The following ZMAT4 variants were observed in gnomAD, a reference collection of about 807,000 sequenced individuals.
The protein encoded by ZMAT4 is zinc finger matrin-type protein 4.
In ZMAT4, 17 loss-of-function variants were observed where a neutral mutation model predicts 28.7. The ratio of observed to expected loss-of-function variants is 0.59; its 90% CI spans 0.41 to 0.89. The LOEUF is 0.89. Ranked by LOEUF, ZMAT4 falls within the 40% of genes least tolerant of loss-of-function variation. ZMAT4 has a pLI of 0.00. For missense variants in ZMAT4, 240 were observed against 283.8 expected, an observed-to-expected ratio of 0.85 and a Z score of 1.11; for synonymous variants, 117 against 109.2, an observed-to-expected ratio of 1.07 and a Z score of -0.44.
intron 5 of ZMAT4, among the ~76,000 whole-genome samples, chr8:40,606,288 T>G (rs1296304756): frequency 6.6e-6 from 1 of 152,220 alleles, no homozygotes; most frequent in Non-Finnish European, 1.5e-5. Context: ...AAATTTATGT[T>G]GTAAGGAGGT....
chr8:40,565,435 G>A (rs1449449032), intron 6 of ZMAT4, among the ~76,000 whole-genome samples: 1 of 138,170 alleles, frequency 7.2e-6, no homozygotes, highest in Non-Finnish European at 1.5e-5. Flanking sequence ...CCTGGCTGGA[G>A]TGCAGTGGGG....
At chr8:40,595,690 T>C (rs556159229) in intron 5 of ZMAT4, among the ~76,000 whole-genome samples, 1 of 152,234 alleles carries the variant, frequency 6.6e-6, no homozygotes, top group African/African-American at 2.4e-5. Flanking sequence ...ATGGTACACT[T>C]GTATAGGGCA....
rs1310899304 is a variant in ZMAT4 at position 40,894,097 on chromosome 8, C to T, written c.-5+3586G>A. On this transcript the variant is annotated intron_variant, in intron 1 of 6. Transcript: ENST00000297737. The stretch of plus-strand genomic sequence containing the variant: ...AAATTTCCCTGCATGCTAATGTTTC[C>T]AAGGTCAGCTCTGCGCATGGGGCTG... 2.0e-5 allele frequency among the ~76,000 whole-genome samples: 3 copies of T among 152,302 alleles called. No individual in the cohort carries two copies. The East Asian group carries it at 5.8e-4, about 29-fold the overall frequency.
rs140817423 is a variant in ZMAT4, at chr8:40,723,130, A to C, written c.193-25729T>G. ...CAGTGCTTAGAACTGTAACCCCCAG[A>C]GCATTGCCTATGAATACCAAGGACC... On this transcript the variant is annotated intron_variant, in intron 3 of 6. Transcript: ENST00000297737. 2.8e-3 allele frequency among the ~76,000 whole-genome samples: 428 copies of C among 152,318 alleles called. 2 individuals carry two copies. The highest frequency in any genetic ancestry group is 9.9e-3 in the African/African-American group (412 of 41,578).
intron 3 of ZMAT4, among the ~76,000 whole-genome samples, chr8:40,699,298 T>A (rs771063855): frequency 6.6e-6 from 1 of 152,178 alleles, no homozygotes; most frequent in Non-Finnish European, 1.5e-5. Context: ...CTGGAGGATA[T>A]ATATTTGTCT....
chr8:40,832,313 A>G (rs1816311736), intron 1 of ZMAT4, among the ~76,000 whole-genome samples: 1 of 152,160 alleles, frequency 6.6e-6, no homozygotes, highest in Non-Finnish European at 1.5e-5. Flanking sequence ...TGTTTGCCTG[A>G]ACTGAGCTGG....
At chr8:40,641,204 G>A (rs1807012556) in intron 5 of ZMAT4, among the ~76,000 whole-genome samples, 1 of 152,178 alleles carries the variant, frequency 6.6e-6, no homozygotes, top group South Asian at 2.1e-4. Flanking sequence ...TAATCTATCT[G>A]TGGATAAAAG....
In ZMAT4 at chr8:40,611,615, C is replaced by T. The variant is rs577894898; in HGVS notation, c.578-30354G>A. On this transcript the variant is annotated intron_variant, in intron 5 of 6. Coordinates refer to ENST00000297737, the MANE Select transcript of ZMAT4 (RefSeq NM_024645.3). Reference sequence around the variant, plus strand: ...TCAGCCTCCCAAAGTGCTGGGATTACAGGCGTGAGCCATCGCACCCAGCCA... The same window carrying T: ...TCAGCCTCCCAAAGTGCTGGGATTATAGGCGTGAGCCATCGCACCCAGCCA... Among the ~76,000 whole-genome samples the T allele has an allele frequency of 6.2e-4, 95 of 152,328 alleles. 2 individuals are homozygous for T. Among genetic ancestry groups the T allele is most frequent in the African/African-American group, 2.1e-3 (86 of 41,588 alleles).
chr8:40,638,545 T>A (rs898560555), intron 5 of ZMAT4, among the ~76,000 whole-genome samples: 4 of 152,222 alleles, frequency 2.6e-5, no homozygotes, highest in African/African-American at 9.6e-5. Flanking sequence ...CTGTGTTTGT[T>A]ATAAGGAACA....
At chr8:40,848,134 A>G (rs1021898281) in intron 1 of ZMAT4, among the ~76,000 whole-genome samples, 1 of 152,160 alleles carries the variant, frequency 6.6e-6, no homozygotes, top group African/African-American at 2.4e-5. Context: ...TAATAACCCA[A>G]ACAAAGGAAA....
intron 5 of ZMAT4, among the ~76,000 whole-genome samples, chr8:40,592,507 ATTAT>A (rs1340568289): frequency 2.6e-5 from 4 of 152,236 alleles, no homozygotes; most frequent in Non-Finnish European, 5.9e-5. Context: ...TTCTAAAACA[ATTAT>A]TTCTCTATTT....
At chr8:40,812,986 A>T (rs1218861410) in intron 2 of ZMAT4, among the ~76,000 whole-genome samples, 5 of 150,180 alleles carry the variant, frequency 3.3e-5, no homozygotes, top group Non-Finnish European at 7.4e-5. Flanking sequence ...AAATTAAATT[A>T]AAAAATAAAA....
intron 5 of ZMAT4, among the ~76,000 whole-genome samples, chr8:40,662,861 T>A (rs910753116): frequency 2.3e-4 from 35 of 152,204 alleles, no homozygotes; most frequent in Non-Finnish European, 4.6e-4. Flanking sequence ...GGGAGAGCAC[T>A]CTGAATAGTG....
At chr8:40,794,356 A>G (rs890651870) in intron 2 of ZMAT4, among the ~76,000 whole-genome samples, 11 of 152,192 alleles carry the variant, frequency 7.2e-5, no homozygotes, top group Non-Finnish European at 1.2e-4. Context: ...AACACACCAT[A>G]TAGCACTATG....
intron 6 of ZMAT4, among the ~76,000 whole-genome samples, chr8:40,563,077 C>T (rs1456296596): frequency 1.3e-5 from 2 of 152,114 alleles, no homozygotes; most frequent in Non-Finnish European, 2.9e-5. Context: ...ATCTTCAGCC[C>T]TCATTTGTTT....
At chr8:40,601,401 AAAGAAAGGAAGG>A (rs1382450281) in intron 5 of ZMAT4, among the ~76,000 whole-genome samples, 1,447 of 31,432 alleles carry the variant, frequency 0.046, 211 homozygotes, top group African/African-American at 0.059. Context: ...AGGAAGGAGG[AAAGAAAGGAAGG>A]AAGGAAGGAA....
chr8:40,590,280 C>A (rs1421569488), intron 5 of ZMAT4, among the ~76,000 whole-genome samples: 1 of 151,782 alleles, frequency 6.6e-6, no homozygotes, highest in East Asian at 1.9e-4. Context: ...AATCCTTCCA[C>A]CTTAGCCTCC....
intron 3 of ZMAT4, among the ~76,000 whole-genome samples, chr8:40,719,040 A>C (rs1810970129): frequency 6.6e-6 from 1 of 152,180 alleles, no homozygotes; most frequent in South Asian, 2.1e-4. Flanking sequence ...TCAGATGAGA[A>C]CCGGATGGGG....
intron 6 of ZMAT4, among the ~76,000 whole-genome samples, chr8:40,573,972 T>C (rs1355957063): frequency 1.3e-5 from 2 of 152,208 alleles, no homozygotes; most frequent in Non-Finnish European, 2.9e-5. Context: ...AACACTTCTT[T>C]AGATATTATT....
Sources: allele counts gnomAD v4.1 joint callset (sites outside exome capture counted in the v4.1 genomes callset), GRCh38; gene constraint gnomAD v4.1.1; transcripts MANE v1.5; gene names NCBI Gene and HGNC (gene_info 2026-07-23, HGNC 2026-07-21).